IMMP1L: variants seen among roughly 807,000 people sequenced by gnomAD.
IMMP1L encodes inner mitochondrial membrane peptidase subunit 1, also known as mitochondrial inner membrane protease subunit 1.
In IMMP1L, 24 loss-of-function variants were observed where a neutral mutation model predicts 21.8. The observed-to-expected ratio is 1.10, with a 90% confidence interval of 0.80 to 1.55. The LOEUF is 1.55. Among genes scored for constraint, IMMP1L ranks in the 40% most tolerant of loss-of-function variants. The pLI is 0.00. For synonymous variants in IMMP1L, 46 were observed against 62.8 expected, an observed-to-expected ratio of 0.73 and a Z score of 1.26; for missense variants, 195 against 200.7, an observed-to-expected ratio of 0.97 and a Z score of 0.17.
chr11:31,503,247 T>C (rs1370378911), intron 1 of IMMP1L, among the ~76,000 whole-genome samples: 1 of 152,162 alleles, frequency 6.6e-6, no homozygotes, highest in African/African-American at 2.4e-5. Flanking sequence ...TAAAATGCCA[T>C]AAGTTATAGG....
intron 3 of IMMP1L, among the ~76,000 whole-genome samples, chr11:31,459,973 A>G (rs1238566203): frequency 6.6e-6 from 1 of 152,086 alleles, no homozygotes; most frequent in East Asian, 1.9e-4. Flanking sequence ...CCTGGGCAAC[A>G]TGGCGAAACC....
chr11:31,502,242 A>G (rs1955644819), intron 1 of IMMP1L, among the ~76,000 whole-genome samples: 1 of 152,246 alleles, frequency 6.6e-6, no homozygotes, highest in Non-Finnish European at 1.5e-5. Context: ...CTACGAAAAC[A>G]GAATTCAAAA....
At chr11:31,462,112 C>T (rs1220602069) in intron 2 of IMMP1L, among the ~76,000 whole-genome samples, 1 of 152,012 alleles carries the variant, frequency 6.6e-6, no homozygotes, top group African/African-American at 2.4e-5. Flanking sequence ...GCCAGGAGTT[C>T]GTGCACAGCC....
intron 1 of IMMP1L, among the ~76,000 whole-genome samples, chr11:31,465,588 T>G (rs1954307244): frequency 6.6e-6 from 1 of 152,034 alleles, no homozygotes; most frequent in African/African-American, 2.4e-5. Context: ...ATGGTATTAG[T>G]ATAAAAACAC....
intron 3 of IMMP1L, among the ~76,000 whole-genome samples, 189 bp downstream of exon 3, chr11:31,460,437 T>C (rs1237040399): frequency 6.6e-6 from 1 of 152,212 alleles, no homozygotes; most frequent in Non-Finnish European, 1.5e-5. Flanking sequence ...AGACACTGCA[T>C]ATGTTTGAGA....
At chr11:31,458,004 C>A (rs1343796128) in intron 3 of IMMP1L, among the ~76,000 whole-genome samples, 3 of 152,098 alleles carry the variant, frequency 2.0e-5, no homozygotes, top group East Asian at 1.9e-4. Flanking sequence ...TTGTAACACG[C>A]CATCAAAGTT....
chr11:31,443,910 C>A (rs889985823), intron 4 of IMMP1L, among the ~76,000 whole-genome samples: 1 of 152,144 alleles, frequency 6.6e-6, no homozygotes, highest in Admixed American at 6.5e-5. Context: ...GTCTCTCTTT[C>A]GTTATTGAGC....
At chr11:31,438,409 CTTTA>C (rs1186527606) in intron 4 of IMMP1L, among the ~76,000 whole-genome samples, 2 of 152,042 alleles carry the variant, frequency 1.3e-5, no homozygotes, top group South Asian at 2.1e-4. Flanking sequence ...TGTACCAGTC[CTTTA>C]TTTACCATGG....
At chr11:31,460,854 C>T in intron 2 of IMMP1L, 140 bp from the exon 3 acceptor site, 1 of 653,516 alleles carries the variant, frequency 1.5e-6, no homozygotes. Context: ...TTTGGCAGTT[C>T]TCAAGTAAGT....
intron 1 of IMMP1L, among the ~76,000 whole-genome samples, chr11:31,476,557 T>C (rs1954735486): frequency 1.3e-5 from 2 of 152,056 alleles, no homozygotes; most frequent in African/African-American, 2.4e-5. Flanking sequence ...TAGTCACCTA[T>C]ATTTAGTTAA....
intron 1 of IMMP1L, among the ~76,000 whole-genome samples, chr11:31,490,625 G>A (rs1955223375): frequency 6.6e-6 from 1 of 151,986 alleles, no homozygotes; most frequent in African/African-American, 2.4e-5. Context: ...TTATTCACAA[G>A]CCTTGAAATT....
At chr11:31,439,668 G>T (rs948012348) in intron 4 of IMMP1L, among the ~76,000 whole-genome samples, 1 of 152,192 alleles carries the variant, frequency 6.6e-6, no homozygotes, top group African/African-American at 2.4e-5. Context: ...AGTGTTGAAT[G>T]TTGAGGGAGT....
intron 1 of IMMP1L, among the ~76,000 whole-genome samples, chr11:31,506,931 G>C (rs1358436050): frequency 6.6e-6 from 1 of 151,732 alleles, no homozygotes; most frequent in Admixed American, 6.6e-5. Flanking sequence ...CTGCACTCCA[G>C]CCTGGCAACA....
At chr11:31,508,255 G>A (rs1955850469) in intron 1 of IMMP1L, among the ~76,000 whole-genome samples, 1 of 152,186 alleles carries the variant, frequency 6.6e-6, no homozygotes, top group Non-Finnish European at 1.5e-5. Context: ...TTTACTACAG[G>A]ATAAAATTAG....
intron 1 of IMMP1L, among the ~76,000 whole-genome samples, chr11:31,473,443 A>G (rs962549794): frequency 6.6e-6 from 1 of 152,218 alleles, no homozygotes; most frequent in African/African-American, 2.4e-5. Flanking sequence ...CCAGGCCAGA[A>G]TTCAAAATGA....
At chr11:31,495,636 T>C (rs1955406394) in intron 1 of IMMP1L, among the ~76,000 whole-genome samples, 3 of 152,192 alleles carry the variant, frequency 2.0e-5, no homozygotes, top group Admixed American at 1.3e-4. Flanking sequence ...TACAAAGTTA[T>C]AGTAAGCAAA....
intron 2 of IMMP1L, among the ~76,000 whole-genome samples, chr11:31,461,325 T>A (rs1196846482): frequency 6.6e-6 from 1 of 152,132 alleles, no homozygotes; most frequent in Non-Finnish European, 1.5e-5. Context: ...GCATGGTGGC[T>A]CACACCTGTA....
intron 1 of IMMP1L, among the ~76,000 whole-genome samples, chr11:31,506,656 G>C (rs942938977): frequency 1.6e-5 from 2 of 126,822 alleles, no homozygotes; most frequent in East Asian, 5.0e-4. Flanking sequence ...TTTTATCTTT[G>C]TTAAAAAAAA....
chr11:31,434,743 C>T (rs768245515), intron 4 of IMMP1L, among the ~76,000 whole-genome samples: 3 of 151,992 alleles, frequency 2.0e-5, no homozygotes, highest in Non-Finnish European at 4.4e-5. Flanking sequence ...ATTAACTCTG[C>T]GTTTAGATAC....
Sources: gnomAD v4.1 joint callset for allele counts (sites outside exome capture counted in the v4.1 genomes callset) on GRCh38, gnomAD v4.1.1 for gene constraint, MANE v1.5 for transcripts, NCBI Gene and HGNC (gene_info 2026-07-23, HGNC 2026-07-21) for gene names.